Variants in NFIA observed in about 807,000 individuals in gnomAD.
NFIA encodes the protein nuclear factor 1 A-type.
Under a neutral mutation model 62.8 loss-of-function variants are expected in NFIA, and 8 were observed. That is an observed-to-expected ratio of 0.13 (90% confidence interval 0.07 to 0.23). The LOEUF (loss-of-function observed/expected upper bound fraction) is 0.23, where lower values mean the gene tolerates loss of function less well. Among genes scored for constraint, NFIA ranks in the 10% least tolerant of loss-of-function variants. NFIA has a pLI of 1.00. For synonymous variants in NFIA, 235 were observed against 238.1 expected (o/e 0.99, Z 0.12); for missense variants, 410 against 642.1 (o/e 0.64, Z 3.91).
chr1:61,236,582 A>G (rs1007151729), intron 2 of NFIA, among the ~76,000 whole-genome samples: 4 of 152,180 alleles, frequency 2.6e-5, no homozygotes, highest in East Asian at 3.9e-4. Flanking sequence ...TTGGCCTAAT[A>G]GTATTACTTG....
intron 3 of NFIA, among the ~76,000 whole-genome samples, chr1:61,289,905 A>G (rs1306088490): frequency 2.6e-5 from 4 of 152,178 alleles, no homozygotes; most frequent in Non-Finnish European, 5.9e-5. Context: ...AGCACTTGCA[A>G]CAATCCATAA....
At chr1:61,082,308 G>C (rs1198447385), upstream of NFIA, 1 of 267,714 alleles carries the variant, frequency 3.7e-6, no homozygotes, top group African/African-American at 2.3e-5. Flanking sequence ...GAGCGCGAGC[G>C]GCCGCGGAGG....
At chr1:61,420,917 C>A (rs1666587477) in intron 9 of NFIA, among the ~76,000 whole-genome samples, 1 of 152,202 alleles carries the variant, frequency 6.6e-6, no homozygotes, top group African/African-American at 2.4e-5. Flanking sequence ...GATCCCTGAT[C>A]CTTAAAATAC....
chr1:61,184,826 A>G (rs1323945025), intron 2 of NFIA, among the ~76,000 whole-genome samples: 1 of 152,244 alleles, frequency 6.6e-6, no homozygotes, highest in African/African-American at 2.4e-5. Flanking sequence ...CTGGAGAGTA[A>G]GGTATAATTT....
At chr1:61,337,499 G>A (rs576149940) in intron 4 of NFIA, among the ~76,000 whole-genome samples, 2 of 152,240 alleles carry the variant, frequency 1.3e-5, no homozygotes, top group South Asian at 4.1e-4. Flanking sequence ...TCCAGGGGAG[G>A]AGGAAAATAC....
rs770684241 is a variant in NFIA at position 61,088,128 on chromosome 1, T to C, written c.28-21T>C. 1.9e-5 allele frequency: 29 copies of C among 1,564,582 alleles called. No individual in the cohort carries two copies. Among genetic ancestry groups the C allele is most frequent in the Non-Finnish European group, 4.3e-6 (5 of 1,160,422 alleles). Reference sequence around the variant, plus strand: ...TTTGTTTTCATTCTACTTATATTTTTCTTTTTGTTCATTTTCCTAGGATGA... The same window carrying C: ...TTTGTTTTCATTCTACTTATATTTTCCTTTTTGTTCATTTTCCTAGGATGA... On this transcript the variant is annotated intron_variant, in intron 1 of 10. Coordinates refer to ENST00000403491, the MANE Select transcript of NFIA (RefSeq NM_001134673.4). This position sits in a 1 kb window ranked among gnomAD's most constrained non-coding sequence, Gnocchi z 4.5.
At chr1:61,279,499 C>A (rs1658008335) in intron 3 of NFIA, among the ~76,000 whole-genome samples, 1 of 151,590 alleles carries the variant, frequency 6.6e-6, no homozygotes, top group Non-Finnish European at 1.5e-5. Context: ...TATTTATAGA[C>A]TAGTTTCGTT....
chr1:61,281,168 A>G (rs1261160437), intron 3 of NFIA, among the ~76,000 whole-genome samples: 4 of 151,880 alleles, frequency 2.6e-5, no homozygotes, highest in African/African-American at 7.3e-5. Flanking sequence ...GAATCCGGGC[A>G]GCAGATGTTG....
intron 2 of NFIA, among the ~76,000 whole-genome samples, chr1:61,263,325 G>T (rs1391939148): frequency 1.3e-5 from 2 of 152,148 alleles, no homozygotes; most frequent in African/African-American, 2.4e-5. Flanking sequence ...ACAGCCACAG[G>T]TTAGTGCCTT....
chr1:61,352,808 A>G (rs1662625983), intron 5 of NFIA, among the ~76,000 whole-genome samples: 1 of 152,004 alleles, frequency 6.6e-6, no homozygotes, highest in Non-Finnish European at 1.5e-5. Context: ...AAAACTGTGA[A>G]CTAAATTGTG....
chr1:61,248,816 C>T (rs752823358), intron 2 of NFIA: 5 of 152,220 alleles, frequency 3.3e-5, no homozygotes, highest in Non-Finnish European at 7.3e-5. Flanking sequence ...TTCCACATAA[C>T]GCCTATGCAC....
intron 10 of NFIA, among the ~76,000 whole-genome samples, chr1:61,429,901 T>A (rs1667028712): frequency 6.6e-6 from 1 of 152,186 alleles, no homozygotes; most frequent in Non-Finnish European, 1.5e-5. Context: ...GAGTAGTGGC[T>A]GCCAGGGGTT....
At chr1:61,406,143 A>G (rs1665807289) in intron 8 of NFIA, among the ~76,000 whole-genome samples, 1 of 152,210 alleles carries the variant, frequency 6.6e-6, no homozygotes, top group Admixed American at 6.5e-5. Flanking sequence ...GCCACAGTCC[A>G]TAAAACACTT....
intron 2 of NFIA, among the ~76,000 whole-genome samples, chr1:61,170,588 C>T (rs1253567468): frequency 6.6e-6 from 1 of 152,184 alleles, no homozygotes; most frequent in African/African-American, 2.4e-5. Context: ...GAACTCTTGC[C>T]TGGGAATATG....
intron 2 of NFIA, among the ~76,000 whole-genome samples, chr1:61,113,815 G>A (rs979921937): frequency 2.6e-5 from 4 of 152,106 alleles, no homozygotes; most frequent in African/African-American, 4.8e-5. Context: ...ACATATGCAC[G>A]ATTTGTCCTA....
intron 3 of NFIA, among the ~76,000 whole-genome samples, chr1:61,288,379 T>C (rs1294516504): frequency 6.6e-6 from 1 of 152,208 alleles, no homozygotes. Flanking sequence ...GGGACAACTT[T>C]GCTAGGTATG....
At chr1:61,194,648 C>G (rs959272454) in intron 2 of NFIA, among the ~76,000 whole-genome samples, 28 of 152,130 alleles carry the variant, frequency 1.8e-4, no homozygotes, top group Non-Finnish European at 5.9e-5. Context: ...AGAAATATGG[C>G]CTTGACTTCA....
At chr1:61,230,620 A>G (rs1240173130) in intron 2 of NFIA, among the ~76,000 whole-genome samples, 1 of 152,150 alleles carries the variant, frequency 6.6e-6, no homozygotes, top group East Asian at 1.9e-4. Context: ...CACTACTGCC[A>G]GAGTGATCTT....
chr1:61,172,888 A>G lies in NFIA; in HGVS notation c.559+84208A>G, dbSNP rs17121770. Among the ~76,000 whole-genome samples the G allele has an allele frequency of 2.9e-3, 441 of 152,364 alleles. 11 individuals carry two copies. The highest frequency in any genetic ancestry group is 0.025 in the Admixed American group (389 of 15,310). On this transcript the variant is annotated intron_variant, in intron 2 of 10. Coordinates refer to ENST00000403491, the MANE Select transcript of NFIA (RefSeq NM_001134673.4). Reference sequence around the variant, plus strand: ...GGGCTTCATTCATTTGAGAAAGACTATTGAATCCAAAAATAATAATCCTTT... The same window carrying G: ...GGGCTTCATTCATTTGAGAAAGACTGTTGAATCCAAAAATAATAATCCTTT...
Sources: gnomAD v4.1 joint callset for allele counts (sites outside exome capture counted in the v4.1 genomes callset) on GRCh38, gnomAD v4.1.1 for gene constraint, Gnocchi (gnomAD v3.1) non-coding constraint, MANE v1.5 for transcripts, NCBI Gene and HGNC (gene_info 2026-07-23, HGNC 2026-07-21) for gene names.